The following HADHA variants were observed in gnomAD, a reference collection of about 807,000 sequenced individuals.
HADHA encodes the protein hydroxyacyl-CoA dehydrogenase trifunctional multienzyme complex subunit alpha.
A neutral mutation model predicts 91.3 loss-of-function variants in HADHA; 59 were observed. The ratio of observed to expected loss-of-function variants is 0.65; its 90% CI spans 0.52 to 0.80. The LOEUF is 0.80. Ranked by LOEUF, HADHA falls within the 30% of genes least tolerant of loss-of-function variation. The probability of loss-of-function intolerance (pLI) is 0.00; values close to 1 mark genes in which losing one functional copy is unlikely to be tolerated. For synonymous variants in HADHA, 320 were observed against 338.9 expected (o/e 0.94, Z 0.61); for missense variants, 800 against 927.6 (o/e 0.86, Z 1.79).
At position 26,234,209 on chromosome 2, in the gene HADHA, A is replaced by T; in HGVS notation, c.453+8T>A. The T allele has an allele frequency of 6.2e-7, 1 of 1,612,356 alleles. No individual in the cohort carries two copies. The highest frequency in any genetic ancestry group is 1.1e-5 in the South Asian group (1 of 91,050). On this transcript the variant is annotated splice_region_variant and intron_variant, in intron 5 of 19. Coordinates refer to ENST00000380649, the MANE Select transcript of HADHA (RefSeq NM_000182.5). ...GACAGTGTCTCAATAACTTTAGAAT[A>T]TCTATACCTCAAGTCCTCCTCCCAG... is the stretch of plus-strand genomic sequence containing the variant.
intron 7 of HADHA, among the ~76,000 whole-genome samples, chr2:26,223,531 C>G (rs537973292): frequency 6.6e-6 from 1 of 152,290 alleles, no homozygotes; most frequent in South Asian, 2.1e-4. Context: ...CCTTTCCACA[C>G]CAAACCTGGT....
chr2:26,209,073 G>A (rs945386807), intron 11 of HADHA, among the ~76,000 whole-genome samples: 2 of 152,118 alleles, frequency 1.3e-5, no homozygotes, highest in Admixed American at 6.5e-5. Context: ...TTTCTTTATG[G>A]TGGGGACTAT....
intron 16 of HADHA, among the ~76,000 whole-genome samples, 174 bp from the exon 17 acceptor site, chr2:26,193,946 A>G (rs1315938733): frequency 6.6e-6 from 1 of 152,248 alleles, no homozygotes; most frequent in Non-Finnish European, 1.5e-5. Flanking sequence ...GTTTGGGGCC[A>G]CAAGTGGAAA....
chr2:26,226,519 A>G (rs1027402734), intron 7 of HADHA, among the ~76,000 whole-genome samples: 1 of 152,212 alleles, frequency 6.6e-6, no homozygotes, highest in African/African-American at 2.4e-5. Flanking sequence ...TGGCCCAAAC[A>G]GATAAGGTCA....
intron 7 of HADHA, among the ~76,000 whole-genome samples, chr2:26,222,777 T>C (rs1282357698): frequency 2.0e-5 from 3 of 152,170 alleles, no homozygotes; most frequent in Non-Finnish European, 4.4e-5. Flanking sequence ...CAATGGGCCA[T>C]GCTCACGAAA....
At position 26,230,139 on chromosome 2, in the gene HADHA, T is replaced by C. The variant is rs1341209667; in HGVS notation, c.676+53A>G. On this transcript the variant is annotated intron_variant, in intron 7 of 19. Transcript: ENST00000380649. The stretch of plus-strand genomic sequence containing the variant: ...TGCCTGGCCTAAGAGGTTAACTCTT[T>C]AAGAAAATAAGTAACTTTATAAGGT... The C allele has an allele frequency of 6.8e-6, 8 of 1,171,476 alleles. No homozygotes were observed. In the East Asian group the frequency reaches 1.7e-4, roughly 24 times the overall value. 72.6% of individuals were successfully genotyped at this position (1,171,476 alleles called of 1,614,324 possible).
chr2:26,228,311 A>T (rs1670532183), intron 7 of HADHA, among the ~76,000 whole-genome samples: 1 of 151,972 alleles, frequency 6.6e-6, no homozygotes, highest in Non-Finnish European at 1.5e-5. Context: ...TTGTATTTTT[A>T]GTAGAGATGG....
intron 4 of HADHA, among the ~76,000 whole-genome samples, chr2:26,236,339 A>ATG (rs752287719): frequency 0.034 from 3,731 of 109,910 alleles, 54 homozygotes; most frequent in African/African-American, 0.06. Flanking sequence ...AGATCACATG[A>ATG]TGTGTGTGTG....
rs1414133903 is a variant in HADHA at position 26,221,705 on chromosome 2, A to G, written c.677-6530T>C. 6.6e-6 allele frequency among the ~76,000 whole-genome samples: 1 copy of G among 152,154 alleles called. No individual in the cohort carries two copies. Among genetic ancestry groups the G allele is most frequent in the African/African-American group, 2.4e-5 (1 of 41,426 alleles). Reference sequence around the variant, plus strand: ...CTATGGCCAGTTGATTGGTAAAGAAAAACTCAGGCCTGGTTTGTAGATATT... The same window carrying G: ...CTATGGCCAGTTGATTGGTAAAGAAGAACTCAGGCCTGGTTTGTAGATATT... On this transcript the variant is annotated intron_variant, in intron 7 of 19. Transcript: ENST00000380649. This position sits in a 1 kb window ranked among gnomAD's most constrained non-coding sequence, Gnocchi z 4.8.
At chr2:26,242,906 C>T (rs1194864279) in intron 1 of HADHA, among the ~76,000 whole-genome samples, 1 of 152,220 alleles carries the variant, frequency 6.6e-6, no homozygotes, top group African/African-American at 2.4e-5. Flanking sequence ...CGCCCACCAA[C>T]ACGTCCGGCT....
At chr2:26,195,458 T>C (rs1429270973) in intron 14 of HADHA, among the ~76,000 whole-genome samples, 1 of 152,114 alleles carries the variant, frequency 6.6e-6, no homozygotes, top group African/African-American at 2.4e-5. Flanking sequence ...GGTTTTTCAC[T>C]ACAGACATCT....
intron 6 of HADHA, among the ~76,000 whole-genome samples, 183 bp downstream of exon 6, chr2:26,231,968 CAAAAAAAAA>C (rs70950177): frequency 1.1e-5 from 1 of 92,454 alleles, no homozygotes. Flanking sequence ...GATTTTGTCT[CAAAAAAAAA>C]AAAAAAAAAA....
rs1188912312 is a variant in HADHA, at chr2:26,221,312, G to C, written c.677-6137C>G. On this transcript the variant is annotated intron_variant, in intron 7 of 19. Coordinates refer to ENST00000380649, the MANE Select transcript of HADHA (RefSeq NM_000182.5). This position sits in a 1 kb window ranked among gnomAD's most constrained non-coding sequence, Gnocchi z 4.8. The stretch of plus-strand genomic sequence containing the variant: ...AGTCTTTAATAGATCTCTATTAGGT[G>C]AATCACAACACAGACCCTTAGGATT... 6.6e-6 allele frequency among the ~76,000 whole-genome samples: 1 copy of C among 152,110 alleles called. No individual in the cohort carries two copies. The highest frequency in any genetic ancestry group is 2.4e-5 in the African/African-American group (1 of 41,422).
intron 7 of HADHA, among the ~76,000 whole-genome samples, chr2:26,225,225 C>T (rs1278959785): frequency 1.3e-5 from 2 of 152,112 alleles, no homozygotes; most frequent in African/African-American, 4.8e-5. Flanking sequence ...TGGCTCACAC[C>T]TGTAATCCCA....
Position 26,230,136 on chromosome 2 carries a change from C to CT in HADHA, c.676+55dup, listed in dbSNP as rs1670585823. The CT allele has an allele frequency of 4.3e-6, 5 of 1,151,842 alleles. No individual in the cohort carries two copies. In the Admixed American group the frequency reaches 8.5e-5, roughly 19 times the overall value. 71.4% of individuals were successfully genotyped at this position (1,151,842 alleles called of 1,614,324 possible). ...CCGTGCCTGGCCTAAGAGGTTAACTCTTTAAGAAAATAAGTAACTTTATAA... is the reference window on the plus strand; with the variant it reads ...CCGTGCCTGGCCTAAGAGGTTAACTCTTTTAAGAAAATAAGTAACTTTATAA... On this transcript the variant is annotated intron_variant, in intron 7 of 19. Transcript: ENST00000380649.
At chr2:26,242,753 A>G (rs1210088396) in intron 1 of HADHA, among the ~76,000 whole-genome samples, 1 of 152,092 alleles carries the variant, frequency 6.6e-6, no homozygotes, top group Non-Finnish European at 1.5e-5. Flanking sequence ...ACTCCAAACA[A>G]TGTTTTTTTT....
In HADHA at chr2:26,195,227, A is replaced by C; in HGVS notation, c.1485T>G (p.Ile495Met). 6.2e-7 allele frequency: 1 copy of C among 1,613,184 alleles called. No homozygotes were observed. The highest frequency in any genetic ancestry group is 8.5e-7 in the Non-Finnish European group (1 of 1,179,154). The stretch of plus-strand genomic sequence containing the variant: ...CCACGGGAGAGAAGTAGTGCATGCC[A>C]ATCACCTGGCAAGGGGAACCAAAAG... ...AAVSKRPEKV[I>M]GMHYFSPVDK... The change falls in exon 15 of 20, where the codon ATT becomes ATG. Residue 495 changes from isoleucine to methionine, a missense_variant. Ile to Met is a conservative substitution (Grantham distance 10). Coordinates refer to ENST00000380649, the MANE Select transcript of HADHA (RefSeq NM_000182.5).
intron 7 of HADHA, among the ~76,000 whole-genome samples, chr2:26,228,659 A>G (rs966462627): frequency 1.3e-5 from 2 of 152,102 alleles, no homozygotes; most frequent in African/African-American, 4.8e-5. Context: ...AACAAACTAC[A>G]TACCAGAAAT....
At chr2:26,193,450 G>T (rs1348406105) in intron 17 of HADHA, 127 bp downstream of exon 17, 1 of 837,154 alleles carries the variant, frequency 1.2e-6, no homozygotes, top group South Asian at 1.3e-5. Flanking sequence ...TTTTGAAATC[G>T]CCAGTGATAA....
Sources: allele counts gnomAD v4.1 joint callset (sites outside exome capture counted in the v4.1 genomes callset), GRCh38; gene constraint gnomAD v4.1.1; non-coding constraint Gnocchi (gnomAD v3.1); transcripts MANE v1.5; gene names NCBI Gene and HGNC (gene_info 2026-07-23, HGNC 2026-07-21).